The following USP42 variants were observed in gnomAD, a reference collection of about 807,000 sequenced individuals.
USP42 encodes ubiquitin carboxyl-terminal hydrolase 42.
In USP42, 23 loss-of-function variants were observed where a neutral mutation model predicts 113.0. The ratio of observed to expected loss-of-function variants is 0.20; its 90% CI spans 0.15 to 0.29. The LOEUF (loss-of-function observed/expected upper bound fraction) is 0.29. USP42 is among the 10% of genes least tolerant of loss of function. The pLI, the probability that USP42 is intolerant of heterozygous loss-of-function variation, is 1.00. For missense variants in USP42, 2,174 were observed against 1,779.8 expected (o/e 1.22, Z -3.99); for synonymous variants, 933 against 699.0 (o/e 1.33, Z -5.28).
chr7:6,110,999 T>C (rs894301704), intron 1 of USP42, 126 bp from the exon 2 acceptor site: 2 of 934,780 alleles, frequency 2.1e-6, no homozygotes, highest in Non-Finnish European at 3.1e-6. Context: ...ATTGTTTTTA[T>C]ATTTGAGTGA....
chr7:6,095,704 C>T, the USP42 span, among the ~76,000 whole-genome samples: 40 of 150,990 alleles, frequency 2.6e-4, no homozygotes, highest in African/African-American at 9.4e-4. Flanking sequence ...CTCTTTGGGG[C>T]AGGACTTGGA....
chr7:6,123,419 T>G (rs62454268), intron 3 of USP42, among the ~76,000 whole-genome samples: 25,156 of 152,138 alleles, frequency 0.17, 2,768 homozygotes, highest in Middle Eastern at 0.32. Flanking sequence ...ATCCCAGCAC[T>G]TTGGGAGGCC....
chr7:6,125,405 G>A (rs933365179), intron 3 of USP42, among the ~76,000 whole-genome samples: 4 of 151,900 alleles, frequency 2.6e-5, no homozygotes, highest in Non-Finnish European at 5.9e-5. Flanking sequence ...TGGGAGAATC[G>A]CTTGAACCTT....
At position 6,142,437 on chromosome 7, in the gene USP42, G is replaced by A. The variant is rs569289535; in HGVS notation, c.796-495G>A. Among the ~76,000 whole-genome samples, 79 of 152,028 alleles carry A rather than the reference G, an allele frequency of 5.2e-4. 2 individuals carry two copies. The South Asian group carries it at 0.012, about 23-fold the overall frequency. The stretch of plus-strand genomic sequence containing the variant: ...TTTACCATGTTAGCCAGGATGGTCT[G>A]GATCTCCTGACCTCATGATCTGCCT... On this transcript the variant is annotated intron_variant, in intron 7 of 17. Coordinates refer to ENST00000306177, the MANE Select transcript of USP42 (RefSeq NM_032172.3).
chr7:6,107,409 CTTT>C (rs774259719), intron 1 of USP42, among the ~76,000 whole-genome samples: 2 of 130,778 alleles, frequency 1.5e-5, no homozygotes, highest in African/African-American at 2.8e-5. Flanking sequence ...TCTTCCTTTT[CTTT>C]TTTTTTTTTT....
chr7:6,114,678 ATTTTTTTTTTTTT>A (rs869283400), intron 2 of USP42, among the ~76,000 whole-genome samples: 43 of 18,882 alleles, frequency 2.3e-3, no homozygotes, highest in Admixed American at 5.8e-3. Flanking sequence ...ATATATATAT[ATTTTTTTTTTTTT>A]TTTTTTTTTT....
chr7:6,147,923 A>G (rs1487978609), intron 12 of USP42, 31 bp downstream of exon 12: 1 of 1,562,982 alleles, frequency 6.4e-7, no homozygotes, highest in South Asian at 1.2e-5. Context: ...GAACATTTTT[A>G]TGTTAATTTT....
chr7:6,124,003 G>T (rs535798302), intron 3 of USP42, among the ~76,000 whole-genome samples: 2 of 152,154 alleles, frequency 1.3e-5, no homozygotes, highest in South Asian at 4.2e-4. Flanking sequence ...GGTCTCCTAA[G>T]TAGCTGGGAT....
At chr7:6,155,585 A>G (rs897047459) in intron 15 of USP42, among the ~76,000 whole-genome samples, 6 of 152,150 alleles carry the variant, frequency 3.9e-5, no homozygotes, top group African/African-American at 1.4e-4. Flanking sequence ...ATGTTTTCAT[A>G]TCTGTTATAT....
intron 3 of USP42, among the ~76,000 whole-genome samples, chr7:6,131,021 A>G (rs1463784767): frequency 2.0e-5 from 3 of 152,134 alleles, no homozygotes; most frequent in Non-Finnish European, 4.4e-5. Context: ...TGAGATGATT[A>G]GGGCAGAGGA....
At chr7:6,126,702 A>G (rs1780566906) in intron 3 of USP42, among the ~76,000 whole-genome samples, 1 of 151,782 alleles carries the variant, frequency 6.6e-6, no homozygotes, top group Non-Finnish European at 1.5e-5. Flanking sequence ...TAGTTTTGGG[A>G]TATCGTGAGT....
At chr7:6,081,415 C>A in the USP42 span, 1 of 152,386 alleles carries the variant, frequency 6.6e-6, no homozygotes. Flanking sequence ...CCGCCGCCTT[C>A]CACTTTGCGC....
Position 6,155,202 on chromosome 7 carries a change from C to A in USP42, c.3641+7C>A, listed in dbSNP as rs561852755. ...ACCGAGACCGCGACTCCAGGTGAGC[C>A]TGGGGCCTTGTGCTCCCCGAGGCGC... On this transcript the variant is annotated splice_region_variant and intron_variant, in intron 15 of 17. Coordinates refer to ENST00000306177, the MANE Select transcript of USP42 (RefSeq NM_032172.3). The A allele has an allele frequency of 1.1e-5, 16 of 1,521,048 alleles. No homozygotes were observed. The East Asian group carries it at 3.4e-4, about 33-fold the overall frequency. The allele number at this position is 1,521,048 out of a possible 1,614,324, so 94.2% of individuals were successfully genotyped here.
intron 3 of USP42, among the ~76,000 whole-genome samples, chr7:6,130,340 A>G (rs1286028399): frequency 2.0e-5 from 3 of 152,192 alleles, no homozygotes; most frequent in African/African-American, 7.2e-5. Context: ...TGGAAGTGGA[A>G]GTTCCTGCTC....
intron 3 of USP42, among the ~76,000 whole-genome samples, chr7:6,133,598 T>TC (rs1780967587): frequency 6.6e-6 from 1 of 152,090 alleles, no homozygotes. Flanking sequence ...TACTGCAGCC[T>TC]CCAACTGCTG....
chr7:6,082,008 T>G, the USP42 span, among the ~76,000 whole-genome samples: 1 of 152,124 alleles, frequency 6.6e-6, no homozygotes, highest in Admixed American at 6.6e-5. Flanking sequence ...TAATAGGTAT[T>G]TTCTGCGGGG....
At chr7:6,092,176 C>T in the USP42 span, among the ~76,000 whole-genome samples, 9 of 114,034 alleles carry the variant, frequency 7.9e-5, no homozygotes, top group Admixed American at 2.0e-4. Context: ...TCTTCTTCTT[C>T]TCTTTTTTTT....
upstream of USP42, among the ~76,000 whole-genome samples, chr7:6,102,612 C>G (rs1790160376): frequency 6.6e-6 from 1 of 150,640 alleles, no homozygotes; most frequent in African/African-American, 2.5e-5. Context: ...AAAGATTAGC[C>G]AGGTGTGGTG....
Position 6,108,366 on chromosome 7 carries a change from T to G in USP42, c.-9-2759T>G, listed in dbSNP as rs181277472. 9.9e-5 allele frequency among the ~76,000 whole-genome samples: 15 copies of G among 152,256 alleles called. No individual in the cohort carries two copies. In the Middle Eastern group the frequency reaches 0.01, roughly 104 times the overall value. ...CAGCCTGGGCAACGTAGTGAGACCC[T>G]GTCTCTACAAAAAAGAAAAACCCCA... On this transcript the variant is annotated intron_variant, in intron 1 of 17. Coordinates refer to ENST00000306177, the MANE Select transcript of USP42 (RefSeq NM_032172.3).
Sources: gnomAD v4.1 joint callset for allele counts (sites outside exome capture counted in the v4.1 genomes callset) on GRCh38, gnomAD v4.1.1 for gene constraint, MANE v1.5 for transcripts, NCBI Gene and HGNC (gene_info 2026-07-23, HGNC 2026-07-21) for gene names.